The following PPP2R2A variants were observed in gnomAD, a reference collection of about 807,000 sequenced individuals.
The protein encoded by PPP2R2A is serine/threonine-protein phosphatase 2A 55 kDa regulatory subunit B alpha isoform.
Under a neutral mutation model 53.2 loss-of-function variants are expected in PPP2R2A, and 9 were observed. That is an observed-to-expected ratio of 0.17 (90% CI 0.10 to 0.30). PPP2R2A has a LOEUF of 0.30. Among genes scored for constraint, PPP2R2A ranks in the 10% least tolerant of loss-of-function variants. The pLI is 1.00. For missense variants in PPP2R2A, 235 were observed against 534.6 expected, an observed-to-expected ratio of 0.44 and a Z score of 5.53; for synonymous variants, 169 against 174.2, an observed-to-expected ratio of 0.97 and a Z score of 0.23.
At chr8:26,365,452 T>G (rs1458830371) in intron 8 of PPP2R2A, 1 of 152,146 alleles carries the variant, frequency 6.6e-6, no homozygotes, top group Admixed American at 6.5e-5. Context: ...GAAAATAAGT[T>G]TAGATTGTTT....
At chr8:26,346,621 A>G (rs1294026932) in intron 3 of PPP2R2A, among the ~76,000 whole-genome samples, 1 of 152,130 alleles carries the variant, frequency 6.6e-6, no homozygotes, top group East Asian at 1.9e-4. Flanking sequence ...AGTTGTGTAG[A>G]TAGGTTTTGA....
At chr8:26,332,378 A>AG (rs113895163) in intron 2 of PPP2R2A, among the ~76,000 whole-genome samples, 25 of 150,760 alleles carry the variant, frequency 1.7e-4, no homozygotes, top group East Asian at 1.4e-3. Context: ...AAAAAAAAAA[A>AG]AAGAAGAAGA....
At chr8:26,300,794 T>C (rs1282761943) in intron 2 of PPP2R2A, among the ~76,000 whole-genome samples, 1 of 152,104 alleles carries the variant, frequency 6.6e-6, no homozygotes, top group Non-Finnish European at 1.5e-5. Context: ...GAGGTTGCAG[T>C]GAGCCGAGAT....
chr8:26,358,095 A>G (rs1804885904), intron 4 of PPP2R2A, among the ~76,000 whole-genome samples: 1 of 152,122 alleles, frequency 6.6e-6, no homozygotes, highest in African/African-American at 2.4e-5. Flanking sequence ...TTACTGAAAA[A>G]TGTATCCTAA....
chr8:26,317,514 GGATA>G (rs1256583472), intron 2 of PPP2R2A, among the ~76,000 whole-genome samples: 1 of 152,098 alleles, frequency 6.6e-6, no homozygotes, highest in Non-Finnish European at 1.5e-5. Flanking sequence ...TTTGTTGAAT[GGATA>G]GATAAATTCT....
Position 26,370,845 on chromosome 8 carries a change from A to C in PPP2R2A, c.*432A>C, listed in dbSNP as rs1012427436. The C allele has an allele frequency of 5.7e-6, 1 of 174,388 alleles. No individual in the cohort carries two copies. The highest frequency in any genetic ancestry group is 1.2e-5 in the Non-Finnish European group (1 of 80,450). 10.8% of individuals were successfully genotyped at this position (174,388 alleles called of 1,614,324 possible). A position where few individuals can be genotyped will look rare whatever the true frequency, so the allele number is the denominator to read the frequency against. On this transcript the variant is annotated 3_prime_UTR_variant, in exon 10 of 10. Transcript: ENST00000380737. This position sits in a 1 kb window ranked among gnomAD's most constrained non-coding sequence, Gnocchi z 6.1. ...TTCCCCCTTTTTTTAAATTAAATAC[A>C]GCTCATTCTTACTGTGGCTTGTAGC...
intron 2 of PPP2R2A, among the ~76,000 whole-genome samples, chr8:26,306,337 T>C (rs1011969556): frequency 6.7e-6 from 1 of 149,984 alleles, no homozygotes; most frequent in Non-Finnish European, 1.5e-5. Context: ...TTAGCTGGGC[T>C]TGGTGGCGCT....
chr8:26,363,585 T>A (rs1805226587), intron 7 of PPP2R2A, 136 bp from the exon 8 acceptor site: 1 of 711,132 alleles, frequency 1.4e-6, no homozygotes, highest in Admixed American at 3.3e-5. Flanking sequence ...GCCAGAGAGA[T>A]GTTTTTCAGT....
chr8:26,314,007 T>C (rs193071687), intron 2 of PPP2R2A, among the ~76,000 whole-genome samples: 17 of 152,358 alleles, frequency 1.1e-4, no homozygotes, highest in African/African-American at 4.1e-4. Context: ...GATTTTTTTC[T>C]ATTATTGTTT....
At chr8:26,314,057 A>G (rs1486872303) in intron 2 of PPP2R2A, among the ~76,000 whole-genome samples, 1 of 152,088 alleles carries the variant, frequency 6.6e-6, no homozygotes, top group East Asian at 1.9e-4. Flanking sequence ...TTGGCTTTTA[A>G]TCTCCCATCA....
intron 3 of PPP2R2A, among the ~76,000 whole-genome samples, 188 bp downstream of exon 3, chr8:26,339,175 G>C (rs74836461): frequency 3.8e-4 from 58 of 152,254 alleles, no homozygotes; most frequent in East Asian, 3.5e-3. Context: ...GTACATGAGC[G>C]TATGTTGTTT....
intron 1 of PPP2R2A, 38 bp downstream of exon 1, chr8:26,291,864 C>G: frequency 1.2e-6 from 2 of 1,606,922 alleles, no homozygotes; most frequent in Non-Finnish European, 1.7e-6. Context: ...GACAAGGCAC[C>G]GCTTCCTTAT....
Position 26,291,998 on chromosome 8 carries a change from A to C in PPP2R2A, c.7+172A>C, listed in dbSNP as rs536311714. The C allele has an allele frequency of 1.1e-4, 110 of 963,932 alleles. 1 individual carries two copies. In the South Asian group the frequency reaches 2.2e-3, roughly 20 times the overall value. The allele number at this position is 963,932 out of a possible 1,614,324, so 59.7% of individuals were successfully genotyped here. A position where few individuals can be genotyped will look rare whatever the true frequency, so the allele number is the denominator to read the frequency against. On this transcript the variant is annotated intron_variant, in intron 1 of 9. Coordinates refer to ENST00000380737, the MANE Select transcript of PPP2R2A (RefSeq NM_002717.4). Reference sequence around the variant, plus strand: ...GGGCGGGGAGGGCTCCCGGGAGGCAAGTGGTCACGGTGAGAGTCACTGGGC... The same window carrying C: ...GGGCGGGGAGGGCTCCCGGGAGGCACGTGGTCACGGTGAGAGTCACTGGGC...
At chr8:26,325,638 C>T (rs1357372400) in intron 2 of PPP2R2A, among the ~76,000 whole-genome samples, 2 of 152,142 alleles carry the variant, frequency 1.3e-5, no homozygotes, top group Non-Finnish European at 2.9e-5. Context: ...GCTGTCCACA[C>T]TTTATCAATT....
chr8:26,298,835 TAGAA>T (rs1342469034), intron 2 of PPP2R2A, among the ~76,000 whole-genome samples: 6 of 152,330 alleles, frequency 3.9e-5, no homozygotes, highest in African/African-American at 1.2e-4. Context: ...TTTAACAAAA[TAGAA>T]AGCCAAGTTC....
At chr8:26,313,899 G>A (rs909696297) in intron 2 of PPP2R2A, among the ~76,000 whole-genome samples, 1 of 152,140 alleles carries the variant, frequency 6.6e-6, no homozygotes, top group African/African-American at 2.4e-5. Context: ...AAAATTAATG[G>A]TGTTTTAAGC....
intron 2 of PPP2R2A, among the ~76,000 whole-genome samples, chr8:26,313,967 A>G (rs1047944446): frequency 2.0e-5 from 3 of 152,202 alleles, no homozygotes; most frequent in Non-Finnish European, 2.9e-5. Flanking sequence ...AGGAGTGGAC[A>G]TTGTACATAC....
At chr8:26,292,400 C>G (rs199514268) in intron 1 of PPP2R2A, 1 of 985,466 alleles carries the variant, frequency 1.0e-6, no homozygotes, top group East Asian at 1.1e-4. Flanking sequence ...ATTTCGTTTC[C>G]GTTTCTTCCC....
chr8:26,292,324 T>C, intron 1 of PPP2R2A: 1 of 987,622 alleles, frequency 1.0e-6, no homozygotes, highest in African/African-American at 1.7e-5. Flanking sequence ...GGCATATGTG[T>C]ATTTTTTCCC....
Sources: gnomAD v4.1 joint callset for allele counts (sites outside exome capture counted in the v4.1 genomes callset) on GRCh38, gnomAD v4.1.1 for gene constraint, Gnocchi (gnomAD v3.1) non-coding constraint, MANE v1.5 for transcripts, NCBI Gene and HGNC (gene_info 2026-07-23, HGNC 2026-07-21) for gene names.